SYNPO: variants seen among roughly 807,000 people sequenced by gnomAD.
SYNPO encodes the protein synaptopodin.
A neutral mutation model predicts 49.5 loss-of-function variants in SYNPO; 19 were observed. The observed-to-expected ratio is 0.38, with a 90% CI of 0.27 to 0.56. The LOEUF (loss-of-function observed/expected upper bound fraction) is 0.56. Ranked by LOEUF, SYNPO falls within the 20% of genes least tolerant of loss-of-function variation. The pLI, the probability that SYNPO is intolerant of heterozygous loss-of-function variation, is 0.68. For synonymous variants in SYNPO, 536 were observed against 548.0 expected (o/e 0.98, Z 0.31); for missense variants, 1,131 against 1,248.3 (o/e 0.91, Z 1.42).
intron 1 of SYNPO, among the ~76,000 whole-genome samples, chr5:150,602,837 A>G (rs1186914605): frequency 2.0e-5 from 3 of 152,088 alleles, no homozygotes; most frequent in Non-Finnish European, 4.4e-5. Context: ...CACCACGTGT[A>G]GCCGCTTTCA....
chr5:150,607,100 C>T (rs1296859191), intron 1 of SYNPO, among the ~76,000 whole-genome samples: 1 of 152,002 alleles, frequency 6.6e-6, no homozygotes, highest in Non-Finnish European at 1.5e-5. Flanking sequence ...TACTGAGAGT[C>T]CTTGTCAGCA....
the SYNPO span, among the ~76,000 whole-genome samples, chr5:150,593,768 A>T: frequency 1.3e-5 from 2 of 152,142 alleles, no homozygotes; most frequent in Admixed American, 6.5e-5. Flanking sequence ...GGTGTGGCCT[A>T]TTTCTAACAA....
the SYNPO span, among the ~76,000 whole-genome samples, chr5:150,590,210 A>G: frequency 2.1e-4 from 32 of 152,334 alleles, no homozygotes; most frequent in African/African-American, 7.0e-4. Context: ...GGGGAGAAGC[A>G]TCTTTGCTGA....
chr5:150,652,507 C>A, intron 2 of SYNPO: 1 of 695,400 alleles, frequency 1.4e-6, no homozygotes. Context: ...TGCACTGGTA[C>A]AGACGTGTGC....
At chr5:150,630,270 G>T (rs554245493) in intron 2 of SYNPO, among the ~76,000 whole-genome samples, 31 of 152,170 alleles carry the variant, frequency 2.0e-4, no homozygotes, top group Non-Finnish European at 3.8e-4. Flanking sequence ...ACGCAGTCTG[G>T]CACACCGCCA....
rs972668956 is a variant in SYNPO at position 150,609,716 on chromosome 5, G to A, written c.-265-8387G>A. Among the ~76,000 whole-genome samples the A allele has an allele frequency of 1.1e-3, 161 of 145,588 alleles. 1 individual carries two copies. The highest frequency in any genetic ancestry group is 3.3e-3 in the African/African-American group (134 of 40,168). ...TCAGCATAAGTTTACTATAGAAACCGAAATCATAGTATCCGTCTCAGTCTC... is the reference window on the plus strand; with the variant it reads ...TCAGCATAAGTTTACTATAGAAACCAAAATCATAGTATCCGTCTCAGTCTC... On this transcript the variant is annotated intron_variant, in intron 1 of 2. Transcript: ENST00000394243.
rs919820578 is a variant in SYNPO, at chr5:150,634,863, C to CACACA, written c.401-13081_401-13080insACACA. On this transcript the variant is annotated intron_variant, in intron 2 of 2. Transcript: ENST00000394243. ...ACACACACACACACACACACACACA[C>CACACA]CACACACACACACACAAAGGGGACA... Among the ~76,000 whole-genome samples the CACACA allele has an allele frequency of 7.2e-4, 33 of 45,846 alleles. 1 individual carries two copies. The highest frequency in any genetic ancestry group is 4.4e-3 in the East Asian group (8 of 1,820). 30.1% of individuals were successfully genotyped at this position (45,846 alleles called of 152,430 possible). A position where few individuals can be genotyped will look rare whatever the true frequency, so the allele number is the denominator to read the frequency against.
upstream of SYNPO, among the ~76,000 whole-genome samples, chr5:150,598,513 T>TG (rs1561627369): frequency 6.6e-6 from 1 of 152,210 alleles, no homozygotes. Flanking sequence ...AATGCGTGTA[T>TG]GGTGCATGTG....
chr5:150,620,379 T>C (rs890668686), intron 2 of SYNPO, among the ~76,000 whole-genome samples: 4 of 152,214 alleles, frequency 2.6e-5, no homozygotes, highest in Non-Finnish European at 4.4e-5. Flanking sequence ...AGCTTTACCC[T>C]TTTCATTTCA....
rs147547322 is a variant in SYNPO, at chr5:150,650,183, C to T, written c.1908C>T (p.Ala636=). 83 of 1,614,020 alleles carry T rather than the reference C, an allele frequency of 5.1e-5. No homozygotes were observed. The Admixed American group carries it at 5.8e-4, about 11-fold the overall frequency. Residue 636 remains alanine, a synonymous_variant, in exon 2 of 3, where the codon GCC becomes GCT. Transcript: ENST00000307662. ...SPGQDSLQPT[A]VSPPYGGDIS... The stretch of plus-strand genomic sequence containing the variant: ...GCCAGGACAGCCTGCAGCCCACTGC[C>T]GTGAGCCCTCCTTACGGCGGTGACA...
chr5:150,656,252 G>C (rs1758545737), intron 2 of SYNPO, 152 bp from the exon 3 acceptor site: 1 of 606,344 alleles, frequency 1.6e-6, no homozygotes, highest in African/African-American at 2.0e-5. Context: ...TGAGAGTTTG[G>C]GCGCCTGCGT....
upstream of SYNPO, among the ~76,000 whole-genome samples, chr5:150,596,458 G>A (rs966552026): frequency 2.0e-5 from 3 of 152,250 alleles, no homozygotes; most frequent in East Asian, 5.8e-4. Flanking sequence ...TCGATCCCAG[G>A]CCTCCTAGGT....
intron 2 of SYNPO, among the ~76,000 whole-genome samples, chr5:150,631,080 G>A (rs910119272): frequency 1.3e-5 from 2 of 152,188 alleles, no homozygotes; most frequent in Non-Finnish European, 2.9e-5. Context: ...GAGGTCACAT[G>A]GGAGCATGAA....
Position 150,657,041 on chromosome 5 carries a change from GGCTCAAGCGTGGCA to G in SYNPO, c.2669_2682del (p.Leu890ProfsTer63), listed in dbSNP as rs1046872059. On this transcript the variant is annotated frameshift_variant, in exon 3 of 3. Coordinates refer to ENST00000307662, the MANE Select transcript of SYNPO (RefSeq NM_007286.6). LOFTEE classifies it high-confidence loss of function. ...CCCCGCGGGTGGAATGGCAGCCTTCGGCTCAAGCGTGGCAGCCTCCCCGCCGAGGCCTCCTGCAC... is the reference window on the plus strand; with the variant it reads ...CCCCGCGGGTGGAATGGCAGCCTTCGGCCTCCCCGCCGAGGCCTCCTGCAC... 8 of 1,601,320 alleles carry G rather than the reference GGCTCAAGCGTGGCA, an allele frequency of 5.0e-6. No homozygotes were observed. The Admixed American group carries it at 5.1e-5, about 10-fold the overall frequency.
upstream of SYNPO, chr5:150,640,089 T>C: frequency 1.0e-6 from 1 of 980,518 alleles, no homozygotes; most frequent in Non-Finnish European, 1.2e-6. Context: ...CATGGGTTGC[T>C]GTGGAAGTAA....
At chr5:150,609,290 T>C (rs1348130566) in intron 1 of SYNPO, among the ~76,000 whole-genome samples, 1 of 152,170 alleles carries the variant, frequency 6.6e-6, no homozygotes, top group Non-Finnish European at 1.5e-5. Flanking sequence ...TCTATTTTTA[T>C]TTTTAATTTT....
rs775058147 is a variant in SYNPO, at chr5:150,649,385, G to T, written c.1110G>T (p.Ser370=). The T allele has an allele frequency of 2.5e-6, 4 of 1,614,118 alleles. No individual in the cohort carries two copies. The South Asian group carries it at 4.4e-5, about 18-fold the overall frequency. ...PASKTGILEE[S]MARRGSRKSM... ...GCAAGACGGGCATTCTGGAGGAGTC[G>T]ATGGCCCGCCGGGGCAGCCGCAAAT... The change falls in exon 2 of 3, where the codon TCG becomes TCT. Residue 370 remains serine, a synonymous_variant. Coordinates refer to ENST00000307662, the MANE Select transcript of SYNPO (RefSeq NM_007286.6).
intron 1 of SYNPO, among the ~76,000 whole-genome samples, chr5:150,611,999 G>T (rs1344089815): frequency 6.6e-6 from 1 of 152,242 alleles, no homozygotes; most frequent in Non-Finnish European, 1.5e-5. Context: ...ACTAGCTCTG[G>T]AGGTTGGAAG....
At chr5:150,602,033 T>C (rs1319483668) in intron 1 of SYNPO, among the ~76,000 whole-genome samples, 1 of 152,164 alleles carries the variant, frequency 6.6e-6, no homozygotes, top group East Asian at 1.9e-4. Flanking sequence ...AGCTTCCTTA[T>C]GGCCATCGGG....
Sources: allele counts gnomAD v4.1 joint callset (sites outside exome capture counted in the v4.1 genomes callset), GRCh38; gene constraint gnomAD v4.1.1; transcripts MANE v1.5; gene names NCBI Gene and HGNC (gene_info 2026-07-23, HGNC 2026-07-21).